PHACTR2: variants seen among roughly 807,000 people sequenced by gnomAD.
The protein encoded by PHACTR2 is phosphatase and actin regulator 2.
In PHACTR2, 30 loss-of-function variants were observed where a neutral mutation model predicts 76.0. That is an observed-to-expected ratio of 0.39 (90% CI 0.30 to 0.54). PHACTR2 has a LOEUF of 0.54. PHACTR2 is among the 20% of genes least tolerant of loss of function. The pLI, the probability that PHACTR2 is intolerant of heterozygous loss-of-function variation, is 0.61. For missense variants in PHACTR2, 696 were observed against 781.1 expected, an observed-to-expected ratio of 0.89 and a Z score of 1.30; for synonymous variants, 292 against 292.5, an observed-to-expected ratio of 1.00 and a Z score of 0.02.
chr6:143,726,931 T>G (rs1432536181), intron 2 of PHACTR2, among the ~76,000 whole-genome samples: 1 of 152,248 alleles, frequency 6.6e-6, no homozygotes, highest in Non-Finnish European at 1.5e-5. Flanking sequence ...CAAACATGTA[T>G]CATTTCTACC....
intron 11 of PHACTR2, among the ~76,000 whole-genome samples, chr6:143,802,410 C>A (rs531534581): frequency 3.3e-5 from 5 of 151,918 alleles, no homozygotes; most frequent in African/African-American, 1.2e-4. Flanking sequence ...TAGGCCAAGG[C>A]GGGAGGATTG....
intron 2 of PHACTR2, among the ~76,000 whole-genome samples, chr6:143,745,245 T>A (rs1779031058): frequency 6.6e-6 from 1 of 152,202 alleles, no homozygotes; most frequent in Non-Finnish European, 1.5e-5. Flanking sequence ...CTCTCAGTGA[T>A]GACCTGGAGC....
chr6:143,707,383 T>C (rs1403620837), intron 1 of PHACTR2, among the ~76,000 whole-genome samples: 2 of 152,238 alleles, frequency 1.3e-5, no homozygotes, highest in African/African-American at 2.4e-5. Flanking sequence ...TGGAGAAAAG[T>C]TGAGACCATG....
At position 143,548,545 on chromosome 6, in the gene PHACTR2, C is replaced by T. The variant is rs1433368419; in HGVS notation, c.217+11338C>T. Among the ~76,000 whole-genome samples, 1 of 152,104 alleles carries T rather than the reference C, an allele frequency of 6.6e-6. No homozygotes were observed. The highest frequency in any genetic ancestry group is 1.5e-5 in the Non-Finnish European group (1 of 67,994). On this transcript the variant is annotated intron_variant, in intron 1 of 11. Transcript: ENST00000367584. The surrounding 1 kb of genome is among the most constrained non-coding windows in gnomAD (Gnocchi z 4.5). Reference sequence around the variant, plus strand: ...GCTTCCCTTGGAATCCAATTCCACACACCAGCCTGGGCCAGGTAGCCATTC... The same window carrying T: ...GCTTCCCTTGGAATCCAATTCCACATACCAGCCTGGGCCAGGTAGCCATTC...
rs9399459 is a variant in PHACTR2 at position 143,698,227 on chromosome 6, A to G, written c.47-13789A>G. ...TATCCAAATCCTGCTGGAGCAACTCATTCTCTGGAATGCTTGCTTAACACA... is the reference window on the plus strand; with the variant it reads ...TATCCAAATCCTGCTGGAGCAACTCGTTCTCTGGAATGCTTGCTTAACACA... On this transcript the variant is annotated intron_variant, in intron 1 of 12. Transcript: ENST00000440869. This position sits in a 1 kb window ranked among gnomAD's most constrained non-coding sequence, Gnocchi z 4.3. Among the ~76,000 whole-genome samples the G allele has an allele frequency of 0.42, 64,036 of 152,052 alleles. 13,540 individuals carry two copies. Among genetic ancestry groups the G allele is most frequent in the Middle Eastern group, 0.52 (153 of 294 alleles).
At chr6:143,660,809 A>G (rs905457481) in intron 1 of PHACTR2, among the ~76,000 whole-genome samples, 2 of 152,230 alleles carry the variant, frequency 1.3e-5, no homozygotes, top group African/African-American at 4.8e-5. Context: ...AAAACAAATT[A>G]TAGGAGAAGT....
upstream of PHACTR2, among the ~76,000 whole-genome samples, chr6:143,605,762 T>G (rs140139967): frequency 3.1e-3 from 468 of 152,364 alleles, 2 homozygotes; most frequent in African/African-American, 0.01. This position sits in a 1 kb window ranked among gnomAD's most constrained non-coding sequence, Gnocchi z 5.0. Context: ...GAGGGAGATG[T>G]TAAGTTCCTA....
At chr6:143,681,100 A>G (rs954499537) in intron 1 of PHACTR2, among the ~76,000 whole-genome samples, 1 of 152,104 alleles carries the variant, frequency 6.6e-6, no homozygotes, top group East Asian at 1.9e-4. Flanking sequence ...ATATGTTTTC[A>G]TTTCTCAGGT....
Position 143,660,688 on chromosome 6 carries a change from G to A in PHACTR2, c.14-51328G>A, listed in dbSNP as rs551046920. ...AAACATGGCCTCCAAATAACATTCA[G>A]TCCAGACAGATGAGGAAACGCTGCA... is the stretch of plus-strand genomic sequence containing the variant. On this transcript the variant is annotated intron_variant, in intron 1 of 11. Coordinates refer to the PHACTR2 transcript ENST00000305766. Among the ~76,000 whole-genome samples the A allele has an allele frequency of 3.9e-5, 6 of 152,286 alleles. No homozygotes were observed. In the East Asian group the frequency reaches 9.6e-4, roughly 24 times the overall value.
At chr6:143,810,524 G>A in intron 12 of PHACTR2, 3 of 449,534 alleles carry the variant, frequency 6.7e-6, no homozygotes, top group Non-Finnish European at 4.5e-6. Flanking sequence ...ATTAGATTGG[G>A]CATCTTAACA....
chr6:143,827,852 T>A lies in PHACTR2; in HGVS notation c.*4163T>A, dbSNP rs894706357. ...AATGAACTTATATAACTAAAATATGTCCTATATTGGCTGGGTGCGGTGGCT... is the reference window on the plus strand; with the variant it reads ...AATGAACTTATATAACTAAAATATGACCTATATTGGCTGGGTGCGGTGGCT... On this transcript the variant is annotated 3_prime_UTR_variant, in exon 13 of 13. Coordinates refer to ENST00000440869, the MANE Select transcript of PHACTR2 (RefSeq NM_001100164.2). The A allele has an allele frequency of 1.3e-5, 2 of 152,088 alleles. No individual in the cohort carries two copies. The highest frequency in any genetic ancestry group is 2.9e-5 in the Non-Finnish European group (2 of 68,018). 9.4% of individuals were successfully genotyped at this position (152,088 alleles called of 1,614,324 possible). A position where few individuals can be genotyped will look rare whatever the true frequency, so the allele number is the denominator to read the frequency against.
chr6:143,609,035 T>C (rs1174365031), intron 1 of PHACTR2, among the ~76,000 whole-genome samples: 2 of 152,194 alleles, frequency 1.3e-5, no homozygotes, highest in African/African-American at 4.8e-5. Flanking sequence ...ATTTCAGTGT[T>C]GTCGGCACTC....
chr6:143,719,303 G>T (rs913592915), intron 2 of PHACTR2, among the ~76,000 whole-genome samples: 3 of 149,368 alleles, frequency 2.0e-5, no homozygotes, highest in African/African-American at 7.4e-5. Flanking sequence ...AGGCCACACA[G>T]CACATCTAGA....
chr6:143,565,480 T>C (rs563175106), intron 1 of PHACTR2, among the ~76,000 whole-genome samples: 30 of 150,152 alleles, frequency 2.0e-4, no homozygotes, highest in Non-Finnish European at 3.1e-4. Context: ...TAGCCGGGCG[T>C]GGTGGTGGGC....
At position 143,733,890 on chromosome 6, in the gene PHACTR2, G is replaced by A. The variant is rs1005170646; in HGVS notation, c.215-15095G>A. On this transcript the variant is annotated intron_variant, in intron 2 of 12. Transcript: ENST00000440869. The surrounding 1 kb of genome is among the most constrained non-coding windows in gnomAD (Gnocchi z 4.0). Reference sequence around the variant, plus strand: ...AGATATTATATAATAATTTTATTACGTATGCTTTTAAAAAATATCGTCTAT... The same window carrying A: ...AGATATTATATAATAATTTTATTACATATGCTTTTAAAAAATATCGTCTAT... Among the ~76,000 whole-genome samples the A allele has an allele frequency of 5.3e-5, 8 of 152,122 alleles. No individual in the cohort carries two copies. The highest frequency in any genetic ancestry group is 8.8e-5 in the Non-Finnish European group (6 of 68,032).
intron 1 of PHACTR2, among the ~76,000 whole-genome samples, chr6:143,637,805 T>TAC (rs1374447162): frequency 6.6e-6 from 1 of 152,222 alleles, no homozygotes; most frequent in African/African-American, 2.4e-5. Flanking sequence ...TATAACATAA[T>TAC]ACAATCACAG....
chr6:143,745,584 C>T (rs1369335577), intron 2 of PHACTR2, among the ~76,000 whole-genome samples: 1 of 152,192 alleles, frequency 6.6e-6, no homozygotes, highest in Non-Finnish European at 1.5e-5. Flanking sequence ...AGTGAATGTG[C>T]TCTGCAAACA....
chr6:143,792,851 G>A (rs1562309815), intron 11 of PHACTR2, among the ~76,000 whole-genome samples: 1 of 152,128 alleles, frequency 6.6e-6, no homozygotes, highest in Non-Finnish European at 1.5e-5. Context: ...AAGCTATATG[G>A]CCTTTCCTGA....
At chr6:143,693,856 A>G (rs1777707212) in intron 1 of PHACTR2, among the ~76,000 whole-genome samples, 2 of 152,130 alleles carry the variant, frequency 1.3e-5, no homozygotes, top group Admixed American at 6.5e-5. Context: ...TAGAAAATGG[A>G]ATATGTGTTC....
Sources: gnomAD v4.1 joint callset for allele counts (sites outside exome capture counted in the v4.1 genomes callset) on GRCh38, gnomAD v4.1.1 for gene constraint, Gnocchi (gnomAD v3.1) non-coding constraint, MANE v1.5 for transcripts, NCBI Gene and HGNC (gene_info 2026-07-23, HGNC 2026-07-21) for gene names.